NRP1: variants seen among roughly 807,000 people sequenced by gnomAD.
NRP1 encodes the protein neuropilin 1, also known as neuropilin-1.
NRP1 carries 35 observed loss-of-function variants against 106.7 expected under a neutral mutation model. That is an observed-to-expected ratio of 0.33 (90% confidence interval 0.25 to 0.43). The LOEUF (loss-of-function observed/expected upper bound fraction) is 0.43, where lower values mean the gene tolerates loss of function less well. Ranked by LOEUF, NRP1 falls within the 20% of genes least tolerant of loss-of-function variation. The probability of loss-of-function intolerance (pLI) is 1.00; values close to 1 mark genes in which losing one functional copy is unlikely to be tolerated. For missense variants in NRP1, 1,024 were observed against 1,170.4 expected, an observed-to-expected ratio of 0.87 and a Z score of 1.83; for synonymous variants, 437 against 417.9, an observed-to-expected ratio of 1.05 and a Z score of -0.56.
In NRP1 at chr10:33,182,738, G is replaced by C. The variant is rs1835764567; in HGVS notation, c.2442C>G (p.Asp814Glu). Residue 814 changes from aspartate to glutamate, a missense_variant, in exon 16 of 17, where the codon GAC becomes GAG. Physicochemically the swap from Asp to Glu is conservative, Grantham distance 45. Around this residue, in one of 5 missense-constraint regions of NRP1, gnomAD observed 164 missense variants for 161.4 expected, o/e 1.02. Transcript: ENST00000374867. ...ISQEDCAKPA[D>E]LDKKNPEIKI... The stretch of plus-strand genomic sequence containing the variant: ...TAATTTCTGGGTTCTTTTTATCCAG[G>C]TCTGCTGGTTCTGACAAGTCAAACA... The C allele has an allele frequency of 6.2e-7, 1 of 1,612,604 alleles. No individual in the cohort carries two copies. The highest frequency in any genetic ancestry group is 8.5e-7 in the Non-Finnish European group (1 of 1,179,474).
At chr10:33,242,572 GTACCTCCAGAAATAT>G (rs1293596140) in intron 6 of NRP1, among the ~76,000 whole-genome samples, 1 of 152,106 alleles carries the variant, frequency 6.6e-6, no homozygotes, top group East Asian at 1.9e-4. Context: ...TAAACTCTGT[GTACCTCCAGAAATAT>G]CAAAAAATTT....
At chr10:33,224,880 G>A (rs1056803660) in intron 7 of NRP1, among the ~76,000 whole-genome samples, 8 of 152,170 alleles carry the variant, frequency 5.3e-5, no homozygotes, top group African/African-American at 9.7e-5. Flanking sequence ...ACAGTCTAAG[G>A]TCAGCTCTCC....
At chr10:33,313,155 G>A (rs1371976865) in intron 2 of NRP1, among the ~76,000 whole-genome samples, 3 of 152,324 alleles carry the variant, frequency 2.0e-5, no homozygotes, top group Admixed American at 1.3e-4. Flanking sequence ...TGAAAAAGTA[G>A]GCAATTCCTT....
intron 6 of NRP1, among the ~76,000 whole-genome samples, chr10:33,244,216 C>T (rs1199082544): frequency 1.3e-5 from 2 of 152,082 alleles, no homozygotes; most frequent in South Asian, 2.1e-4. Flanking sequence ...TTCTGAAGAA[C>T]ACATATTTTT....
In NRP1 at chr10:33,272,717, C is replaced by T. The variant is rs1199358029; in HGVS notation, c.249-1861G>A. ...ATTGACAAGGCAGGTTTGCATGTTT[C>T]GCCCCACGCTTTCTTATAATTTAAC... is the stretch of plus-strand genomic sequence containing the variant. On this transcript the variant is annotated intron_variant, in intron 2 of 16. Coordinates refer to ENST00000374867, the MANE Select transcript of NRP1 (RefSeq NM_003873.7). Among the ~76,000 whole-genome samples, 4 of 152,140 alleles carry T rather than the reference C, an allele frequency of 2.6e-5. No individual in the cohort carries two copies. The East Asian group carries it at 5.8e-4, about 22-fold the overall frequency.
chr10:33,198,703 G>T (rs117984315), intron 11 of NRP1, among the ~76,000 whole-genome samples: 3 of 152,180 alleles, frequency 2.0e-5, no homozygotes, highest in Admixed American at 6.5e-5. Context: ...AAGTTGCAAG[G>T]CTAGTCCCCA....
In NRP1 at chr10:33,318,301, C is replaced by T. The variant is rs369605246; in HGVS notation, c.248+12407G>A. Among the ~76,000 whole-genome samples, 6 of 152,256 alleles carry T rather than the reference C, an allele frequency of 3.9e-5. No homozygotes were observed. The South Asian group carries it at 8.3e-4, about 21-fold the overall frequency. On this transcript the variant is annotated intron_variant, in intron 2 of 16. Coordinates refer to ENST00000374867, the MANE Select transcript of NRP1 (RefSeq NM_003873.7). ...ATAATGAGCCATTCACATATCGGGA[C>T]CCAGCCCATATGACCCATCTCCTGT... is the stretch of plus-strand genomic sequence containing the variant.
At position 33,207,581 on chromosome 10, in the gene NRP1, C is replaced by T. The variant is rs1457045538; in HGVS notation, c.1750G>A (p.Glu584Lys). 2 of 1,614,022 alleles carry T rather than the reference C, an allele frequency of 1.2e-6. No homozygotes were observed. Among genetic ancestry groups the T allele is most frequent in the African/African-American group, 1.3e-5 (1 of 74,934 alleles). The change falls in exon 10 of 17, where the codon GAA (glutamate) becomes AAA (lysine). Residue 584 changes from glutamate to lysine, a missense_variant. Glu to Lys is a moderately conservative substitution (Grantham distance 56). Coordinates refer to ENST00000374867, the MANE Select transcript of NRP1 (RefSeq NM_003873.7). Reference protein sequence around the residue: ...LGLRMELLGCEVEAPTAGPTT... With the variant: ...LGLRMELLGCKVEAPTAGPTT... ...TGGAGATCATAATTACCTTCCACTT[C>T]ACAGCCCAGCAGCTCCATTCTGAGC... is the stretch of plus-strand genomic sequence containing the variant.
At chr10:33,208,099 T>G (rs1267716531) in intron 9 of NRP1, among the ~76,000 whole-genome samples, 1 of 152,166 alleles carries the variant, frequency 6.6e-6, no homozygotes, top group Non-Finnish European at 1.5e-5. Context: ...CTAACTTTTG[T>G]ATTTTTTGCA....
At chr10:33,221,091 C>T (rs1054290179) in intron 8 of NRP1, among the ~76,000 whole-genome samples, 3 of 151,776 alleles carry the variant, frequency 2.0e-5, no homozygotes, top group Non-Finnish European at 4.4e-5. Flanking sequence ...CTCATGTTGT[C>T]CCACATGTAT....
chr10:33,304,714 C>T (rs1846026716), intron 2 of NRP1, among the ~76,000 whole-genome samples: 1 of 152,144 alleles, frequency 6.6e-6, no homozygotes, highest in Admixed American at 6.6e-5. Context: ...TCGACTCCTC[C>T]CCATTTATTT....
intron 4 of NRP1, among the ~76,000 whole-genome samples, chr10:33,263,345 T>C (rs562656536): frequency 2.0e-5 from 3 of 152,216 alleles, no homozygotes; most frequent in Non-Finnish European, 2.9e-5. Flanking sequence ...CAAAATAGTT[T>C]AGAGAGAAAA....
intron 6 of NRP1, among the ~76,000 whole-genome samples, chr10:33,238,166 T>G (rs1465206331): frequency 6.6e-6 from 1 of 152,174 alleles, no homozygotes; most frequent in Admixed American, 6.5e-5. Context: ...AGACAAAACC[T>G]CAACCTGCAT....
Position 33,179,843 on chromosome 10 carries a change from C to A in NRP1, c.*233G>T. ...TCATACTTGGTCTCAACACCAGCAT[C>A]TGATTATTCAAATGAAACCAACAGG... On this transcript the variant is annotated 3_prime_UTR_variant, in exon 17 of 17. Transcript: ENST00000374867. 1.8e-6 allele frequency: 1 copy of A among 545,628 alleles called. No individual in the cohort carries two copies. Among genetic ancestry groups the A allele is most frequent in the Non-Finnish European group, 3.3e-6 (1 of 305,620 alleles). 33.8% of individuals were successfully genotyped at this position (545,628 alleles called of 1,614,324 possible).
chr10:33,194,836 G>A, intron 12 of NRP1: 1 of 485,956 alleles, frequency 2.1e-6, no homozygotes, highest in East Asian at 6.2e-5. Context: ...GGAAAAGAAA[G>A]AGAGAAGGAC....
At chr10:33,260,825 T>C (rs1478119239) in intron 4 of NRP1, among the ~76,000 whole-genome samples, 1 of 152,130 alleles carries the variant, frequency 6.6e-6, no homozygotes, top group East Asian at 1.9e-4. Flanking sequence ...ATTCAGTGTT[T>C]ATGATAAAAT....
intron 4 of NRP1, among the ~76,000 whole-genome samples, chr10:33,257,449 C>T (rs1289867925): frequency 6.6e-6 from 1 of 152,150 alleles, no homozygotes; most frequent in Non-Finnish European, 1.5e-5. Context: ...CCAGCCTGGC[C>T]AACATGGTGA....
intron 2 of NRP1, among the ~76,000 whole-genome samples, chr10:33,326,772 G>C (rs115370003): frequency 6.6e-6 from 1 of 152,058 alleles, no homozygotes; most frequent in Non-Finnish European, 1.5e-5. Flanking sequence ...TTTTCCTAAC[G>C]AAGTATCCAC....
At chr10:33,320,652 C>T (rs1164579171) in intron 2 of NRP1, among the ~76,000 whole-genome samples, 4 of 152,304 alleles carry the variant, frequency 2.6e-5, no homozygotes, top group Middle Eastern at 3.4e-3. Context: ...GGGTCACAGA[C>T]GCTTCTCAGG....
Sources: allele counts gnomAD v4.1 joint callset (sites outside exome capture counted in the v4.1 genomes callset), GRCh38; gene constraint gnomAD v4.1.1; regional missense constraint gnomAD v4.1.1; transcripts MANE v1.5; gene names NCBI Gene and HGNC (gene_info 2026-07-23, HGNC 2026-07-21).